TRPM4: variants seen among roughly 807,000 people sequenced by gnomAD.
TRPM4 encodes the protein calcium-activated non-selective cation channel 1.
A neutral mutation model predicts 135.6 loss-of-function variants in TRPM4; 124 were observed. That is an observed-to-expected ratio of 0.91 (90% CI 0.79 to 1.06). TRPM4 has a LOEUF of 1.06. Among genes scored for constraint, TRPM4 ranks in the 50% least tolerant of loss-of-function variants. The pLI, the probability that TRPM4 is intolerant of heterozygous loss-of-function variation, is 0.00. For missense variants in TRPM4, 1,658 were observed against 1,671.4 expected (o/e 0.99, Z 0.14); for synonymous variants, 745 against 705.6 (o/e 1.06, Z -0.88).
At chr19:49,167,295 C>A (rs1252835805) in intron 3 of TRPM4, among the ~76,000 whole-genome samples, 1 of 136,628 alleles carries the variant, frequency 7.3e-6, no homozygotes, top group Non-Finnish European at 1.6e-5. Flanking sequence ...CCCCGTCTCT[C>A]CGGGTCTCTG....
intron 16 of TRPM4, among the ~76,000 whole-genome samples, chr19:49,193,890 C>G (rs1968509781): frequency 1.3e-5 from 2 of 151,564 alleles, no homozygotes; most frequent in African/African-American, 4.9e-5. Context: ...CCTTGTCATC[C>G]TCCTTCTCCT....
chr19:49,203,405 T>C (rs2145977267), intron 20 of TRPM4, among the ~76,000 whole-genome samples: 1 of 152,166 alleles, frequency 6.6e-6, no homozygotes, highest in South Asian at 2.1e-4. Context: ...GGTTTCGATC[T>C]CCTGACCTTG....
chr19:49,166,125 C>A lies in TRPM4; in HGVS notation c.177C>A (p.Thr59=). 1 of 1,605,680 alleles carries A rather than the reference C, an allele frequency of 6.2e-7. No individual in the cohort carries two copies. Among genetic ancestry groups the A allele is most frequent in the South Asian group, 1.1e-5 (1 of 89,580 alleles). The change falls in exon 3 of 25, where the codon ACC becomes ACA. Residue 59 remains threonine (T), a synonymous_variant. Transcript: ENST00000252826. Reference sequence around the variant, plus strand: ...ATGCCTTCGGGGCAGCCGTGGTGACCGTGTGGGACAGCGATGCACACACCA... The same window carrying A: ...ATGCCTTCGGGGCAGCCGTGGTGACAGTGTGGGACAGCGATGCACACACCA... ...MEDAFGAAVV[T]VWDSDAHTTE...
At chr19:49,158,583 G>GTTTC (rs1363779026) in intron 2 of TRPM4, 1 of 326,032 alleles carries the variant, frequency 3.1e-6, no homozygotes, top group Non-Finnish European at 5.5e-6. Context: ...GGGTATTTCT[G>GTTTC]TTTCATTCAT....
rs746206906 is a variant in TRPM4, at chr19:49,200,419, TC to T, written c.2766del (p.Ile922MetfsTer2). On this transcript the variant is annotated frameshift_variant, in exon 18 of 25. Coordinates refer to ENST00000252826, the MANE Select transcript of TRPM4 (RefSeq NM_017636.4). LOFTEE classifies it high-confidence loss of function. ...VNKQLGPKIVIVSKMMKDVFF... is the reference protein window; with the variant it reads ...VNKQLGPKIVXVSKMMKDVFF... The stretch of plus-strand genomic sequence containing the variant: ...AAACAGCTGGGGCCCAAGATCGTCA[TC>T]GTGAGCAAGATGGTGAGGCAGGGGC... 5.0e-6 allele frequency: 8 copies of T among 1,603,262 alleles called. No homozygotes were observed. In the South Asian group the frequency reaches 8.8e-5, roughly 18 times the overall value.
Position 49,182,707 on chromosome 19 carries a change from A to G in TRPM4, c.1393A>G (p.Ser465Gly). 6.2e-7 allele frequency: 1 copy of G among 1,614,010 alleles called. No homozygotes were observed. Among genetic ancestry groups the G allele is most frequent in the Non-Finnish European group, 8.5e-7 (1 of 1,179,968 alleles). Residue 465 changes from serine (S) to glycine (G), a missense_variant, in exon 11 of 25, where the codon AGC becomes GGC. By Grantham distance (56) the Ser-to-Gly change is moderately conservative (BLOSUM62 0). Transcript: ENST00000252826. Reference protein sequence around the residue: ...LTPMRLAQLYSAAPSNSLIRN... With the variant: ...LTPMRLAQLYGAAPSNSLIRN... The stretch of plus-strand genomic sequence containing the variant: ...CCCGATGCGCCTGGCCCAACTCTAC[A>G]GCGCGGCGCCCTCCAACTCGCTCAT...
chr19:49,166,652 G>A (rs989619465), intron 3 of TRPM4, among the ~76,000 whole-genome samples: 3 of 149,664 alleles, frequency 2.0e-5, no homozygotes, highest in African/African-American at 7.4e-5. Flanking sequence ...CCGTCTCTCC[G>A]GGTCTCTGTT....
At chr19:49,173,164 ATTC>A (rs1967538151) in intron 9 of TRPM4, among the ~76,000 whole-genome samples, 1 of 150,204 alleles carries the variant, frequency 6.7e-6, no homozygotes, top group Non-Finnish European at 1.5e-5. Flanking sequence ...CCATCTGCTC[ATTC>A]TTCTATCCAT....
chr19:49,168,025 G>A lies in TRPM4; in HGVS notation c.376G>A (p.Gly126Arg). 3.1e-6 allele frequency: 5 copies of A among 1,613,226 alleles called. No individual in the cohort carries two copies. In the South Asian group the frequency reaches 5.5e-5, roughly 18 times the overall value. Reference protein sequence around the residue: ...NLVVSVLGGSGGPVLQTWLQD... With the variant: ...NLVVSVLGGSRGPVLQTWLQD... The stretch of plus-strand genomic sequence containing the variant: ...GGTGGTGTCAGTGCTGGGGGGATCG[G>A]GGGGCCCCGTCCTCCAGACCTGGCT... The change falls in exon 4 of 25, where the codon GGG becomes AGG. Residue 126 changes from glycine (G) to arginine (R), a missense_variant. Coordinates refer to ENST00000252826, the MANE Select transcript of TRPM4 (RefSeq NM_017636.4).
At chr19:49,182,470 AT>A (rs1968013226) in intron 10 of TRPM4, 107 bp from the exon 11 acceptor site, 3 of 784,202 alleles carry the variant, frequency 3.8e-6, no homozygotes, top group Non-Finnish European at 6.4e-6. Flanking sequence ...CCATCCATCC[AT>A]CCATCCATCC....
At chr19:49,163,960 G>A (rs1600394555) in intron 2 of TRPM4, among the ~76,000 whole-genome samples, 1 of 152,350 alleles carries the variant, frequency 6.6e-6, no homozygotes, top group Non-Finnish European at 1.5e-5. Flanking sequence ...ACACTTTATT[G>A]TAGTTCTCAC....
chr19:49,172,904 T>C (rs1163519685), intron 9 of TRPM4, among the ~76,000 whole-genome samples: 1 of 123,532 alleles, frequency 8.1e-6, no homozygotes, highest in East Asian at 2.2e-4. Flanking sequence ...ATCCGCTCAT[T>C]CCTCCATCCG....
rs1320114611 is a variant in TRPM4 at position 49,196,528 on chromosome 19, C to T, written c.2299C>T (p.Arg767Trp). 3 of 1,553,806 alleles carry T rather than the reference C, an allele frequency of 1.9e-6. No individual in the cohort carries two copies. The highest frequency in any genetic ancestry group is 2.6e-6 in the Non-Finnish European group (3 of 1,153,448). The change falls in exon 17 of 25, where the codon CGG becomes TGG. Residue 767 changes from arginine (R) to tryptophan (W), a missense_variant. Arg to Trp is a moderately radical substitution (Grantham distance 101). Transcript: ENST00000252826. ...GCCGGRCGGR[R>W]CLRRWFHFWG... Reference sequence around the variant, plus strand: ...CTGCGGGGGCCGCTGCGGGGGGCGCCGGTGCCTACGCCGCTGGTTCCACTT... The same window carrying T: ...CTGCGGGGGCCGCTGCGGGGGGCGCTGGTGCCTACGCCGCTGGTTCCACTT...
chr19:49,189,400 G>A (rs1331036116), intron 14 of TRPM4, among the ~76,000 whole-genome samples: 1 of 152,150 alleles, frequency 6.6e-6, no homozygotes, highest in Admixed American at 6.5e-5. Flanking sequence ...CCCGCTTTCA[G>A]GGAAGAGTCC....
In TRPM4 at chr19:49,211,468, G is replaced by GCT. The variant is rs1384494835; in HGVS notation, c.3641-19_3641-18dup. 4 of 1,613,690 alleles carry GCT rather than the reference G, an allele frequency of 2.5e-6. No individual in the cohort carries two copies. Among genetic ancestry groups the GCT allele is most frequent in the Non-Finnish European group, 3.4e-6 (4 of 1,180,034 alleles). ...CTCTCCCCTTCCCTGCCAATCACCTGCTCTCTCTTTTCTCTCTTCCCCCAG... is the reference window on the plus strand; with the variant it reads ...CTCTCCCCTTCCCTGCCAATCACCTGCTCTCTCTCTTTTCTCTCTTCCCCCAG... On this transcript the variant is annotated intron_variant, in intron 24 of 24. Transcript: ENST00000252826. The surrounding 1 kb of genome is among the most constrained non-coding windows in gnomAD (Gnocchi z 4.8).
chr19:49,166,173 C>T lies in TRPM4; in HGVS notation c.225C>T (p.Tyr75=), dbSNP rs763969956. The change falls in exon 3 of 25, where the codon TAC becomes TAT. Residue 75 remains tyrosine (Y), a synonymous_variant. Transcript: ENST00000252826. ...AHTTEKPTDA[Y]GELDFTGAGR... ...CCACGGAGAAGCCCACCGATGCCTA[C>T]GGAGAGCTGGACTTCACGGGGGCCG... 3.1e-6 allele frequency: 5 copies of T among 1,609,162 alleles called. No individual in the cohort carries two copies. The highest frequency in any genetic ancestry group is 2.7e-5 in the African/African-American group (2 of 74,882).
chr19:49,205,103 C>T (rs1600529541), intron 20 of TRPM4, among the ~76,000 whole-genome samples: 1 of 150,696 alleles, frequency 6.6e-6, no homozygotes, highest in African/African-American at 2.4e-5. Context: ...ATTATAGGCA[C>T]AAGCCCCTGT....
intron 16 of TRPM4, 74 bp downstream of exon 16, chr19:49,190,847 G>C: frequency 7.5e-7 from 1 of 1,333,430 alleles, no homozygotes; most frequent in South Asian, 1.2e-5. Flanking sequence ...GTTCCACGTT[G>C]TGTTAGTCCC....
At chr19:49,189,158 C>G in intron 14 of TRPM4, 67 bp downstream of exon 14, 1 of 1,604,322 alleles carries the variant, frequency 6.2e-7, no homozygotes, top group Middle Eastern at 2.0e-4. Context: ...TGGGGATGAG[C>G]CCCTGCCATT....
Sources: gnomAD v4.1 joint callset for allele counts (sites outside exome capture counted in the v4.1 genomes callset) on GRCh38, gnomAD v4.1.1 for gene constraint, Gnocchi (gnomAD v3.1) non-coding constraint, MANE v1.5 for transcripts, NCBI Gene and HGNC (gene_info 2026-07-23, HGNC 2026-07-21) for gene names.